SERINC2: variants seen among roughly 807,000 people sequenced by gnomAD.
SERINC2 encodes serine incorporator 2.
In SERINC2, 56 loss-of-function variants were observed where a neutral mutation model predicts 54.2. That is an observed-to-expected ratio of 1.03 (90% confidence interval 0.83 to 1.29). The LOEUF (loss-of-function observed/expected upper bound fraction) is 1.29. Among genes scored for constraint, SERINC2 ranks in the 50% most tolerant of loss-of-function variants. The probability of loss-of-function intolerance (pLI) is 0.00; values close to 1 mark genes in which losing one functional copy is unlikely to be tolerated. For synonymous variants in SERINC2, 272 were observed against 253.1 expected, an observed-to-expected ratio of 1.07 and a Z score of -0.71; for missense variants, 614 against 607.4, an observed-to-expected ratio of 1.01 and a Z score of -0.12.
intron 8 of SERINC2, among the ~76,000 whole-genome samples, chr1:31,432,738 C>G (rs892695795): frequency 6.6e-6 from 1 of 152,200 alleles, no homozygotes; most frequent in South Asian, 2.1e-4. Flanking sequence ...ACGATTATCC[C>G]TTATTTTACA....
chr1:31,428,778 A>C (rs1486432587), intron 6 of SERINC2, among the ~76,000 whole-genome samples, 200 bp from the exon 7 acceptor site: 1 of 152,066 alleles, frequency 6.6e-6, no homozygotes, highest in Non-Finnish European at 1.5e-5. Context: ...AGGGGTGTTA[A>C]GAGAAAGAAG....
At chr1:31,428,095 G>C (rs1274764151) in intron 6 of SERINC2, among the ~76,000 whole-genome samples, 2 of 151,720 alleles carry the variant, frequency 1.3e-5, no homozygotes, top group Non-Finnish European at 1.5e-5. Flanking sequence ...GAGTGCAGTG[G>C]TATGATCTCA....
Position 31,424,668 on chromosome 1 carries a change from T to C in SERINC2, c.202-15T>C. 6.3e-7 allele frequency: 1 copy of C among 1,577,762 alleles called. No individual in the cohort carries two copies. Among genetic ancestry groups the C allele is most frequent in the Non-Finnish European group, 8.6e-7 (1 of 1,161,250 alleles). ...GAGAGGTGGGGCTTTGACGCTGCTC[T>C]GTCTGTCTCCACAGCTGCCCTGGGT... On this transcript the variant is annotated splice_polypyrimidine_tract_variant and intron_variant, in intron 2 of 9. Transcript: ENST00000373709.
intron 8 of SERINC2, among the ~76,000 whole-genome samples, chr1:31,429,966 C>A (rs566928965): frequency 5.3e-5 from 8 of 152,154 alleles, no homozygotes; most frequent in African/African-American, 1.9e-4. Context: ...CCCACACTCT[C>A]CCCCGAGAGA....
chr1:31,433,061 G>T lies in SERINC2; in HGVS notation c.1108G>T (p.Ala370Ser), dbSNP rs1553135053. ...LDATQQQQQV[A>S]ACEGRAFDNE... is the part of the protein sequence containing the mutation. ...CGCCACACAGCAGCAGCAGCAGGTGGCAGCCTGTGAGGGCCGGGCCTTTGA... is the reference window on the plus strand; with the variant it reads ...CGCCACACAGCAGCAGCAGCAGGTGTCAGCCTGTGAGGGCCGGGCCTTTGA... Residue 370 changes from alanine (A) to serine (S), a missense_variant, in exon 9 of 10, where the codon GCA becomes TCA. Transcript: ENST00000373709. The T allele has an allele frequency of 6.2e-7, 1 of 1,613,260 alleles. No individual in the cohort carries two copies. Among genetic ancestry groups the T allele is most frequent in the East Asian group, 2.2e-5 (1 of 44,876 alleles).
At chr1:31,428,299 C>T (rs1310768499) in intron 6 of SERINC2, among the ~76,000 whole-genome samples, 1 of 152,198 alleles carries the variant, frequency 6.6e-6, no homozygotes, top group Non-Finnish European at 1.5e-5. Flanking sequence ...CTCAGCCTCC[C>T]AAAGCGCTGG....
At position 31,413,252 on chromosome 1, in the gene SERINC2, C is replaced by A. The variant is rs1168002387; in HGVS notation, c.-14C>A. 1.6e-4 allele frequency: 192 copies of A among 1,204,832 alleles called. 1 individual carries two copies. Among genetic ancestry groups the A allele is most frequent in the Non-Finnish European group, 1.7e-4 (165 of 971,446 alleles). 74.6% of individuals were successfully genotyped at this position (1,204,832 alleles called of 1,614,324 possible). On this transcript the variant is annotated 5_prime_UTR_variant, in exon 1 of 10. Transcript: ENST00000373709. This position sits in a 1 kb window ranked among gnomAD's most constrained non-coding sequence, Gnocchi z 5.0. ...GCGCCCGGCGCCGGGCGCCCGAAGC[C>A]GGGAGCCGCCGCCATGGGGGCCTGC... is the stretch of plus-strand genomic sequence containing the variant.
rs1372808436 is a variant in SERINC2 at position 31,426,641 on chromosome 1, C to G, written c.611-13C>G. 1 of 1,594,432 alleles carries G rather than the reference C, an allele frequency of 6.3e-7. No individual in the cohort carries two copies. Among genetic ancestry groups the G allele is most frequent in the Non-Finnish European group, 8.6e-7 (1 of 1,165,230 alleles). ...CACCCACTGCCTACCCTCTCACTAC[C>G]CCTCTGGCCCAGGCCTCTTCTTCTT... On this transcript the variant is annotated splice_polypyrimidine_tract_variant and intron_variant, in intron 5 of 9. Coordinates refer to ENST00000373709, the MANE Select transcript of SERINC2 (RefSeq NM_178865.5).
rs571563464 is a variant in SERINC2, at chr1:31,434,212, GC to G, written c.*15del. ...CGACTTCAGCTGAGGCAGCCTCACA[GC>G]CTGCCATCTGGTGCCTCCTGCCACC... On this transcript the variant is annotated 3_prime_UTR_variant, in exon 10 of 10. Transcript: ENST00000373709. 4.6e-3 allele frequency: 7,341 copies of G among 1,610,546 alleles called. 32 individuals carry two copies. Among genetic ancestry groups the G allele is most frequent in the Non-Finnish European group, 5.7e-3 (6,752 of 1,179,022 alleles).
intron 1 of SERINC2, chr1:31,414,120 A>T: frequency 7.0e-7 from 1 of 1,437,940 alleles, no homozygotes; most frequent in Non-Finnish European, 9.1e-7. Context: ...GCAGGAATCG[A>T]GGGAGGTTCG....
At position 31,413,255 on chromosome 1, in the gene SERINC2, G is replaced by C; in HGVS notation, c.-11G>C. 8.2e-7 allele frequency: 1 copy of C among 1,214,800 alleles called. No individual in the cohort carries two copies. The highest frequency in any genetic ancestry group is 1.0e-6 in the Non-Finnish European group (1 of 977,564). 75.3% of individuals were successfully genotyped at this position (1,214,800 alleles called of 1,614,324 possible). Reference sequence around the variant, plus strand: ...CCCGGCGCCGGGCGCCCGAAGCCGGGAGCCGCCGCCATGGGGGCCTGCCTG... The same window carrying C: ...CCCGGCGCCGGGCGCCCGAAGCCGGCAGCCGCCGCCATGGGGGCCTGCCTG... On this transcript the variant is annotated 5_prime_UTR_variant, in exon 1 of 10. Transcript: ENST00000373709. This position sits in a 1 kb window ranked among gnomAD's most constrained non-coding sequence, Gnocchi z 5.0.
Position 31,413,805 on chromosome 1 carries a change from G to C in SERINC2, c.39+501G>C, listed in dbSNP as rs1553131811. ...TGTTCCTGTCGCTCGGGCTCCGCCT[G>C]TCCGTTCGTATTTGTCTGGTTCCTG... On this transcript the variant is annotated intron_variant, in intron 1 of 9. Transcript: ENST00000373709. This position sits in a 1 kb window ranked among gnomAD's most constrained non-coding sequence, Gnocchi z 5.0. The C allele has an allele frequency of 7.2e-7, 1 of 1,391,158 alleles. No homozygotes were observed. The highest frequency in any genetic ancestry group is 3.2e-5 in the Admixed American group (1 of 31,524). 86.2% of individuals were successfully genotyped at this position (1,391,158 alleles called of 1,614,324 possible).
rs973069951 is a variant in SERINC2, at chr1:31,424,827, C to G, written c.346C>G (p.Leu116Val). 1 of 1,611,682 alleles carries G rather than the reference C, an allele frequency of 6.2e-7. No individual in the cohort carries two copies. The highest frequency in any genetic ancestry group is 8.5e-7 in the Non-Finnish European group (1 of 1,179,552). The change falls in exon 3 of 10, where the codon CTC (leucine) becomes GTC (valine). Residue 116 changes from leucine to valine, a missense_variant. By Grantham distance (32) the Leu-to-Val change is conservative. Coordinates refer to ENST00000373709, the MANE Select transcript of SERINC2 (RefSeq NM_178865.5). Reference protein sequence around the residue: ...AFFFFFTLLMLCVSSSRDPRA... With the variant: ...AFFFFFTLLMVCVSSSRDPRA... ...CTTCTTCTTTTTCACCCTGCTCATG[C>G]TCTGCGTGAGCAGCAGCCGGGACCC...
chr1:31,417,849 A>ATTTTTTT (rs1640815588), intron 1 of SERINC2, among the ~76,000 whole-genome samples: 2 of 65,846 alleles, frequency 3.0e-5, no homozygotes, highest in South Asian at 6.4e-4. Flanking sequence ...TCAAAATTTC[A>ATTTTTTT]TTCTTTTTTT....
At chr1:31,428,737 G>A (rs1387337452) in intron 6 of SERINC2, among the ~76,000 whole-genome samples, 1 of 152,116 alleles carries the variant, frequency 6.6e-6, no homozygotes, top group Non-Finnish European at 1.5e-5. Flanking sequence ...ATGAGATGGG[G>A]TTTCAGCAGG....
intron 2 of SERINC2, 50 bp from the exon 3 acceptor site, chr1:31,424,633 A>T (rs1401742220): frequency 2.1e-6 from 3 of 1,446,530 alleles, no homozygotes; most frequent in Non-Finnish European, 1.9e-6. Flanking sequence ...GGGAGCTGCC[A>T]GGGTTCTGTG....
chr1:31,417,901 G>A (rs1482176561), intron 1 of SERINC2, among the ~76,000 whole-genome samples: 3 of 120,336 alleles, frequency 2.5e-5, no homozygotes, highest in Non-Finnish European at 3.2e-5. Flanking sequence ...CTGTTGCCCA[G>A]GCTGGAGTGC....
rs113932646 is a variant in SERINC2, at chr1:31,432,187, G to A, written c.1014-780G>A. On this transcript the variant is annotated intron_variant, in intron 8 of 9. Coordinates refer to ENST00000373709, the MANE Select transcript of SERINC2 (RefSeq NM_178865.5). ...GGATAGGGTGGATAGGGTGGATAGG[G>A]TGGTTAGAGTGGAGAGAGTGGACAG... Among the ~76,000 whole-genome samples, 138 of 136,074 alleles carry A rather than the reference G, an allele frequency of 1.0e-3. 13 individuals carry two copies. The East Asian group carries it at 0.022, about 21-fold the overall frequency. The allele number at this position is 136,074 out of a possible 152,430, so 89.3% of individuals were successfully genotyped here.
chr1:31,416,747 G>T (rs1640790409), intron 1 of SERINC2, among the ~76,000 whole-genome samples: 1 of 150,684 alleles, frequency 6.6e-6, no homozygotes, highest in South Asian at 2.2e-4. Context: ...TTGAGATGAA[G>T]TCTTGCTCTG....
Sources: allele counts gnomAD v4.1 joint callset (sites outside exome capture counted in the v4.1 genomes callset), GRCh38; gene constraint gnomAD v4.1.1; non-coding constraint Gnocchi (gnomAD v3.1); transcripts MANE v1.5; gene names NCBI Gene and HGNC (gene_info 2026-07-23, HGNC 2026-07-21).